The following MMP26 variants were observed in gnomAD, a reference collection of about 807,000 sequenced individuals.
MMP26 encodes matrix metallopeptidase 26.
In MMP26, 33 loss-of-function variants were observed where a neutral mutation model predicts 31.0. That is an observed-to-expected ratio of 1.06 (90% CI 0.81 to 1.42). The LOEUF (loss-of-function observed/expected upper bound fraction) is 1.42. Ranked by LOEUF, MMP26 falls within the 40% of genes most tolerant of loss-of-function variation. MMP26 has a pLI of 0.00. For missense variants in MMP26, 347 were observed against 316.1 expected, an observed-to-expected ratio of 1.10 and a Z score of -0.74; for synonymous variants, 122 against 114.9, an observed-to-expected ratio of 1.06 and a Z score of -0.40.
rs1179406086 is a variant in MMP26 at position 4,948,510 on chromosome 11, G to A, written c.-144-39558G>A. 2.4e-5 allele frequency among the ~76,000 whole-genome samples: 3 copies of A among 123,334 alleles called. 1 individual carries two copies. Among genetic ancestry groups the A allele is most frequent in the Non-Finnish European group, 5.5e-5 (3 of 54,464 alleles). 80.9% of individuals were successfully genotyped at this position (123,334 alleles called of 152,430 possible). A position where few individuals can be genotyped will look rare whatever the true frequency, so the allele number is the denominator to read the frequency against. On this transcript the variant is annotated intron_variant, in intron 2 of 7. Transcript: ENST00000380390. ...AGGTTTGCCAAGCAATATTTAAGGA[G>A]TTATGAACTGAATGTACAGCTGGAA...
intron 2 of MMP26, among the ~76,000 whole-genome samples, chr11:4,809,974 G>T (rs1849327940): frequency 1.3e-5 from 2 of 152,144 alleles, no homozygotes; most frequent in Admixed American, 1.3e-4. Flanking sequence ...CTTTGGCAGA[G>T]ACCTCAGATC....
intron 2 of MMP26, among the ~76,000 whole-genome samples, chr11:4,786,347 C>T (rs1237046043): frequency 6.6e-6 from 1 of 152,120 alleles, no homozygotes; most frequent in Non-Finnish European, 1.5e-5. Flanking sequence ...GGAGACTTTG[C>T]CTGGTTCCCA....
chr11:4,832,177 A>AT (rs1849655428), intron 2 of MMP26: 2 of 169,292 alleles, frequency 1.2e-5, no homozygotes, highest in Non-Finnish European at 1.3e-5. Flanking sequence ...CCACATTCCT[A>AT]TTGATTGGGA....
rs1304757518 is a variant in MMP26 at position 4,874,540 on chromosome 11, C to T, written c.-145+107199C>T. On this transcript the variant is annotated intron_variant, in intron 2 of 7. Coordinates refer to ENST00000380390, the MANE Select transcript of MMP26 (RefSeq NM_021801.5). ...CACTTAATTTTTATGCAGAACTTTG[C>T]TTGTATATGTGTGTGTGGTGTGTTG... is the stretch of plus-strand genomic sequence containing the variant. 2.0e-5 allele frequency among the ~76,000 whole-genome samples: 3 copies of T among 147,860 alleles called. No individual in the cohort carries two copies. The Admixed American group carries it at 2.1e-4, about 10-fold the overall frequency.
intron 1 of MMP26, among the ~76,000 whole-genome samples, chr11:4,763,637 A>G (rs892280507): frequency 1.3e-5 from 2 of 152,180 alleles, no homozygotes; most frequent in South Asian, 4.1e-4. Flanking sequence ...TTATTTTCAT[A>G]TGTTATAGTG....
At chr11:4,792,243 A>G (rs527842406) in intron 2 of MMP26, among the ~76,000 whole-genome samples, 45 of 152,252 alleles carry the variant, frequency 3.0e-4, no homozygotes, top group African/African-American at 1.1e-3. Context: ...GTTCACAAAG[A>G]CAGACACAAC....
At chr11:4,848,239 A>T in intron 2 of MMP26, 1 of 1,599,050 alleles carries the variant, frequency 6.3e-7, no homozygotes, top group Non-Finnish European at 8.5e-7. Context: ...CATCCTACTC[A>T]CTGAGCACCA....
chr11:4,821,791 C>A (rs767787431), intron 2 of MMP26: 1 of 1,613,032 alleles, frequency 6.2e-7, no homozygotes, highest in South Asian at 1.1e-5. Flanking sequence ...GGCCTTTGAT[C>A]GTTTTGTGGC....
rs189629330 is a variant in MMP26 at position 4,964,504 on chromosome 11, G to A, written c.-144-23564G>A. On this transcript the variant is annotated intron_variant, in intron 2 of 7. Coordinates refer to ENST00000380390, the MANE Select transcript of MMP26 (RefSeq NM_021801.5). Reference sequence around the variant, plus strand: ...TCTTGTACCAGTATTATGGAAGACAGTGTGGTGATTCCTCAAAGACCTAGA... The same window carrying A: ...TCTTGTACCAGTATTATGGAAGACAATGTGGTGATTCCTCAAAGACCTAGA... Among the ~76,000 whole-genome samples the A allele has an allele frequency of 2.0e-5, 3 of 152,282 alleles. No individual in the cohort carries two copies. In the East Asian group the frequency reaches 5.8e-4, roughly 29 times the overall value.
chr11:4,956,689 C>T (rs1846448215), intron 2 of MMP26, among the ~76,000 whole-genome samples: 1 of 152,176 alleles, frequency 6.6e-6, no homozygotes, highest in Non-Finnish European at 1.5e-5. Context: ...CTGGATCCAT[C>T]TCCCCGGACC....
Position 4,710,083 on chromosome 11 carries a change from G to A in MMP26, c.-217+5038G>A, listed in dbSNP as rs762929000. 21 of 456,742 alleles carry A rather than the reference G, an allele frequency of 4.6e-5. No individual in the cohort carries two copies. In the East Asian group the frequency reaches 6.3e-4, roughly 14 times the overall value. 28.3% of individuals were successfully genotyped at this position (456,742 alleles called of 1,614,324 possible). On this transcript the variant is annotated intron_variant, in intron 1 of 7. Coordinates refer to ENST00000380390, the MANE Select transcript of MMP26 (RefSeq NM_021801.5). ...CTCCTTAAGCGCCTCTCCTTCTGCC[G>A]TAGTCATGTGCTCCACCATTCCTAC...
At chr11:4,980,623 C>T (rs1317907382) in intron 2 of MMP26, among the ~76,000 whole-genome samples, 1 of 151,860 alleles carries the variant, frequency 6.6e-6, no homozygotes, top group African/African-American at 2.4e-5. Flanking sequence ...AATGGATATG[C>T]AAAAATTCTG....
intron 2 of MMP26, among the ~76,000 whole-genome samples, chr11:4,966,218 A>G (rs1846592653): frequency 6.6e-6 from 1 of 152,164 alleles, no homozygotes; most frequent in African/African-American, 2.4e-5. Context: ...TAGACTCAAC[A>G]AATACAGAAG....
intron 2 of MMP26, chr11:4,882,727 C>T: frequency 1.2e-6 from 2 of 1,613,932 alleles, no homozygotes; most frequent in Non-Finnish European, 8.5e-7. Flanking sequence ...TGCTCTGTAG[C>T]ACTTTGGCCA....
intron 2 of MMP26, chr11:4,907,725 C>A (rs951186127): frequency 6.2e-7 from 1 of 1,613,962 alleles, no homozygotes; most frequent in African/African-American, 1.3e-5. Context: ...CTAATTATGT[C>A]TTTGGACCGC....
chr11:4,932,963 T>G (rs1473141815), intron 2 of MMP26, among the ~76,000 whole-genome samples: 3 of 152,152 alleles, frequency 2.0e-5, no homozygotes, highest in Non-Finnish European at 4.4e-5. Flanking sequence ...ACATTGGCAT[T>G]GAAGCATGTG....
chr11:4,822,433 G>T (rs376460964), intron 2 of MMP26: 83 of 1,392,570 alleles, frequency 6.0e-5, no homozygotes, highest in Middle Eastern at 3.8e-4. Context: ...CTACAATGGA[G>T]TAATTGTCCC....
At chr11:4,832,898 C>G (rs1055117967) in intron 2 of MMP26, 4 of 197,224 alleles carry the variant, frequency 2.0e-5, no homozygotes, top group African/African-American at 4.6e-5. Context: ...ATGTGCCCAT[C>G]ATCACCTTGG....
At chr11:4,839,963 C>T (rs1037705437) in intron 2 of MMP26, among the ~76,000 whole-genome samples, 1 of 152,026 alleles carries the variant, frequency 6.6e-6, no homozygotes, top group African/African-American at 2.4e-5. Flanking sequence ...AGGGTGAGTT[C>T]CTGGCCAGGC....
Sources: gnomAD v4.1 joint callset for allele counts (sites outside exome capture counted in the v4.1 genomes callset) on GRCh38, gnomAD v4.1.1 for gene constraint, MANE v1.5 for transcripts, NCBI Gene and HGNC (gene_info 2026-07-23, HGNC 2026-07-21) for gene names.